The following CELF4 variants were observed in gnomAD, a reference collection of about 807,000 sequenced individuals.
The protein encoded by CELF4 is CUG-BP- and ETR-3-like factor 4.
CELF4 carries 18 observed loss-of-function variants against 59.9 expected under a neutral mutation model. The ratio of observed to expected loss-of-function variants is 0.30; its 90% CI spans 0.21 to 0.45. The LOEUF is 0.45. CELF4 is among the 20% of genes least tolerant of loss of function. The pLI, the probability that CELF4 is intolerant of heterozygous loss-of-function variation, is 1.00. For missense variants in CELF4, 456 were observed against 689.0 expected (o/e 0.66, Z 3.79); for synonymous variants, 261 against 267.1 (o/e 0.98, Z 0.22).
At position 37,352,459 on chromosome 18, in the gene CELF4, A is replaced by T. The variant is rs527665021; in HGVS notation, c.370-30578T>A. Among the ~76,000 whole-genome samples, 254 of 152,196 alleles carry T rather than the reference A, an allele frequency of 1.7e-3. 2 individuals are homozygous for T. The highest frequency in any genetic ancestry group is 0.016 in the South Asian group (76 of 4,816). Reference sequence around the variant, plus strand: ...GGAATTCAAGACCAGCCTGGGCAATATAGTGAGACCCAGTCTCTATAAAAA... The same window carrying T: ...GGAATTCAAGACCAGCCTGGGCAATTTAGTGAGACCCAGTCTCTATAAAAA... On this transcript the variant is annotated intron_variant, in intron 2 of 12. Coordinates refer to ENST00000420428, the MANE Select transcript of CELF4 (RefSeq NM_020180.4).
chr18:37,418,380 C>T (rs1476419200), intron 2 of CELF4, among the ~76,000 whole-genome samples: 3 of 152,212 alleles, frequency 2.0e-5, no homozygotes, highest in Admixed American at 2.0e-4. Flanking sequence ...TGGTGTTTGT[C>T]TCCCCAGTGG....
At chr18:37,272,869 CA>C (rs2091960083) in intron 7 of CELF4, 146 bp downstream of exon 7, 2 of 747,832 alleles carry the variant, frequency 2.7e-6, no homozygotes, top group Admixed American at 5.8e-5. Context: ...ATTTTTGAGA[CA>C]AACTGCCAGA....
intron 2 of CELF4, among the ~76,000 whole-genome samples, chr18:37,395,637 G>A (rs693228): frequency 0.83 from 127,104 of 152,270 alleles, 53,120 homozygotes; most frequent in East Asian, 0.93. Flanking sequence ...GAGAGAATCT[G>A]TCATCTTGTT....
chr18:37,479,498 G>A (rs973382704), intron 2 of CELF4, among the ~76,000 whole-genome samples: 1 of 152,168 alleles, frequency 6.6e-6, no homozygotes, highest in Non-Finnish European at 1.5e-5. Context: ...AATGTCAAAT[G>A]TCCCCCGCAG....
intron 1 of CELF4, among the ~76,000 whole-genome samples, chr18:37,534,242 C>G (rs949602179): frequency 6.6e-6 from 1 of 152,068 alleles, no homozygotes; most frequent in African/African-American, 2.4e-5. Context: ...TTACAGTCCT[C>G]GCCGTCATTA....
Position 37,398,722 on chromosome 18 carries a change from G to A in CELF4, c.370-76841C>T, listed in dbSNP as rs182457314. Among the ~76,000 whole-genome samples the A allele has an allele frequency of 8.7e-4, 132 of 152,282 alleles. 1 individual carries two copies. Among genetic ancestry groups the A allele is most frequent in the African/African-American group, 2.6e-3 (110 of 41,560 alleles). On this transcript the variant is annotated intron_variant, in intron 2 of 12. Coordinates refer to ENST00000420428, the MANE Select transcript of CELF4 (RefSeq NM_020180.4). ...TCTGGCCTTTGTTTCTCTCCAAGGC[G>A]TGGGGGTTCCGGAGAGTGGTGGAGC...
At chr18:37,427,605 C>T (rs1976964794) in intron 2 of CELF4, among the ~76,000 whole-genome samples, 1 of 152,188 alleles carries the variant, frequency 6.6e-6, no homozygotes, top group Admixed American at 6.5e-5. Flanking sequence ...CTCATCTCCT[C>T]TTGCATGGTT....
rs562811141 is a variant in CELF4, at chr18:37,351,906, A to G, written c.370-30025T>C. 2.0e-5 allele frequency among the ~76,000 whole-genome samples: 3 copies of G among 152,156 alleles called. No individual in the cohort carries two copies. The South Asian group carries it at 6.2e-4, about 32-fold the overall frequency. Reference sequence around the variant, plus strand: ...GCTGGGATTACAGGCGTGAGCCACCACCGAACCTGGCCCAGAAACACAGCT... The same window carrying G: ...GCTGGGATTACAGGCGTGAGCCACCGCCGAACCTGGCCCAGAAACACAGCT... On this transcript the variant is annotated intron_variant, in intron 2 of 12. Transcript: ENST00000420428.
intron 2 of CELF4, among the ~76,000 whole-genome samples, chr18:37,454,935 G>T: frequency 6.6e-6 from 1 of 152,160 alleles, no homozygotes; most frequent in Non-Finnish European, 1.5e-5. Flanking sequence ...TCCAGCACGA[G>T]GACATGGGTC....
intron 3 of CELF4, among the ~76,000 whole-genome samples, chr18:37,283,781 C>A (rs1041710743): frequency 6.6e-6 from 1 of 151,548 alleles, no homozygotes; most frequent in Non-Finnish European, 1.5e-5. Context: ...AAAAGGCCTG[C>A]GCTGGACCCT....
chr18:37,400,375 C>T (rs1343197482), intron 2 of CELF4, among the ~76,000 whole-genome samples: 1 of 152,178 alleles, frequency 6.6e-6, no homozygotes, highest in African/African-American at 2.4e-5. Context: ...CACACATATA[C>T]ATACACATGT....
At chr18:37,337,868 A>C (rs2097831763) in intron 2 of CELF4, among the ~76,000 whole-genome samples, 1 of 152,208 alleles carries the variant, frequency 6.6e-6, no homozygotes, top group African/African-American at 2.4e-5. Context: ...TGTGAAGCAG[A>C]AACAAGTTTA....
chr18:37,301,967 G>A (rs1204923280), intron 3 of CELF4, among the ~76,000 whole-genome samples: 3 of 152,030 alleles, frequency 2.0e-5, no homozygotes, highest in Non-Finnish European at 4.4e-5. Flanking sequence ...CAGACCTCCC[G>A]CCTGCTCTGG....
intron 2 of CELF4, among the ~76,000 whole-genome samples, chr18:37,413,269 T>C (rs1449224633): frequency 6.6e-6 from 1 of 152,184 alleles, no homozygotes; most frequent in African/African-American, 2.4e-5. Context: ...GGTGGACATG[T>C]GTGTTTTAAG....
At chr18:37,409,405 G>A (rs1036293848) in intron 2 of CELF4, among the ~76,000 whole-genome samples, 1 of 152,168 alleles carries the variant, frequency 6.6e-6, no homozygotes, top group African/African-American at 2.4e-5. Context: ...GCCTCATTGT[G>A]GGGGAGGGTT....
At chr18:37,352,036 C>G (rs1164383023) in intron 2 of CELF4, among the ~76,000 whole-genome samples, 1 of 152,192 alleles carries the variant, frequency 6.6e-6, no homozygotes, top group East Asian at 1.9e-4. Flanking sequence ...ACATGGGTCT[C>G]TAAATGTTTG....
In CELF4 at chr18:37,253,421, C is replaced by T. The variant is rs917041845; in HGVS notation, c.*44+346G>A. On this transcript the variant is annotated intron_variant, in intron 12 of 12. Transcript: ENST00000420428. This position sits in a 1 kb window ranked among gnomAD's most constrained non-coding sequence, Gnocchi z 4.5. ...GGGTAGAGCCTGTTCTGCCCCCAAC[C>T]TCCCTCAGCCTGAGCTTGCCACCTG... Among the ~76,000 whole-genome samples, 14 of 152,192 alleles carry T rather than the reference C, an allele frequency of 9.2e-5. No individual in the cohort carries two copies. The highest frequency in any genetic ancestry group is 1.9e-4 in the Non-Finnish European group (13 of 68,022).
At chr18:37,419,037 T>C (rs1021219122) in intron 2 of CELF4, among the ~76,000 whole-genome samples, 2 of 152,216 alleles carry the variant, frequency 1.3e-5, no homozygotes, top group Admixed American at 1.3e-4. Flanking sequence ...TCCTCTGGTA[T>C]GGCTGGAGCT....
At chr18:37,481,113 CT>C (rs1334644424) in intron 2 of CELF4, among the ~76,000 whole-genome samples, 2 of 152,234 alleles carry the variant, frequency 1.3e-5, no homozygotes, top group Admixed American at 1.3e-4. Flanking sequence ...GTCTGCCAGG[CT>C]GACGCGAGGG....
Sources: allele counts gnomAD v4.1 joint callset (sites outside exome capture counted in the v4.1 genomes callset), GRCh38; gene constraint gnomAD v4.1.1; non-coding constraint Gnocchi (gnomAD v3.1); transcripts MANE v1.5; gene names NCBI Gene and HGNC (gene_info 2026-07-23, HGNC 2026-07-21).